The following GRID2 variants were observed in gnomAD, a reference collection of about 807,000 sequenced individuals.
GRID2 encodes glutamate ionotropic receptor delta type subunit 2, also known as glutamate receptor ionotropic, delta-2.
In GRID2, 33 loss-of-function variants were observed where a neutral mutation model predicts 114.8. The ratio of observed to expected loss-of-function variants is 0.29; its 90% CI spans 0.22 to 0.38. The LOEUF (loss-of-function observed/expected upper bound fraction) is 0.38, where lower values mean the gene tolerates loss of function less well. GRID2 is among the 10% of genes least tolerant of loss of function. The pLI is 1.00. For missense variants in GRID2, 1,184 were observed against 1,257.7 expected (o/e 0.94, Z 0.89); for synonymous variants, 505 against 449.9 (o/e 1.12, Z -1.55).
chr4:93,512,641 T>G (rs1422189624), intron 12 of GRID2, among the ~76,000 whole-genome samples: 3 of 152,172 alleles, frequency 2.0e-5, no homozygotes, highest in African/African-American at 7.2e-5. Flanking sequence ...GAACATGCCT[T>G]TGTTCTAAAT....
intron 14 of GRID2, among the ~76,000 whole-genome samples, chr4:93,662,887 G>A (rs1340410208): frequency 3.3e-5 from 5 of 152,068 alleles, no homozygotes; most frequent in Admixed American, 6.6e-5. Context: ...CACAAAACAC[G>A]AAATGTTTCA....
chr4:93,636,460 CAT>C (rs1560848540), intron 14 of GRID2, among the ~76,000 whole-genome samples: 1 of 152,054 alleles, frequency 6.6e-6, no homozygotes, highest in Non-Finnish European at 1.5e-5. Flanking sequence ...CGCACACACA[CAT>C]ACTCTCCAGA....
At chr4:92,663,709 A>G (rs1732632828) in intron 2 of GRID2, among the ~76,000 whole-genome samples, 1 of 151,124 alleles carries the variant, frequency 6.6e-6, no homozygotes, top group Non-Finnish European at 1.5e-5. Context: ...AAACACATTA[A>G]TGTTGTGCAT....
intron 13 of GRID2, among the ~76,000 whole-genome samples, chr4:93,522,771 A>G (rs1730464797): frequency 6.6e-6 from 1 of 152,170 alleles, no homozygotes; most frequent in Non-Finnish European, 1.5e-5. Flanking sequence ...ACACGTTTGA[A>G]GTTGAAATGA....
intron 11 of GRID2, among the ~76,000 whole-genome samples, chr4:93,488,954 A>C (rs1019521348): frequency 2.6e-5 from 4 of 151,994 alleles, no homozygotes; most frequent in Admixed American, 2.0e-4. Flanking sequence ...TAACAATCAC[A>C]TTGTGGGTTA....
intron 1 of GRID2, among the ~76,000 whole-genome samples, chr4:92,512,418 G>T (rs2044803): frequency 0.21 from 32,537 of 151,586 alleles, 4,209 homozygotes; most frequent in Non-Finnish European, 0.29. Flanking sequence ...TAAGACAAAA[G>T]AAATTCTAAA....
chr4:93,031,504 G>A (rs754864463), intron 2 of GRID2, among the ~76,000 whole-genome samples: 1 of 152,106 alleles, frequency 6.6e-6, no homozygotes, highest in Non-Finnish European at 1.5e-5. Context: ...CAAATCTCAC[G>A]TTGAATTGTA....
Position 93,437,337 on chromosome 4 carries a change from A to G in GRID2, c.1545+14369A>G, listed in dbSNP as rs191474181. ...GAGAATTAATTATTCAAATTCAGGAAGTTTGGCTCCAGCATCCAAGTGCTT... is the reference window on the plus strand; with the variant it reads ...GAGAATTAATTATTCAAATTCAGGAGGTTTGGCTCCAGCATCCAAGTGCTT... On this transcript the variant is annotated intron_variant, in intron 10 of 15. Transcript: ENST00000282020. Among the ~76,000 whole-genome samples the G allele has an allele frequency of 3.9e-5, 6 of 152,254 alleles. No homozygotes were observed. The East Asian group carries it at 1.2e-3, about 30-fold the overall frequency.
At chr4:93,331,470 T>C (rs28545592) in intron 8 of GRID2, among the ~76,000 whole-genome samples, 73,299 of 151,622 alleles carry the variant, frequency 0.48, 18,743 homozygotes, top group East Asian at 0.7. Context: ...TTCTTTCTTT[T>C]TGTAACATTG....
intron 2 of GRID2, among the ~76,000 whole-genome samples, chr4:93,042,283 C>T (rs1355084536): frequency 9.2e-4 from 74 of 80,240 alleles, no homozygotes; most frequent in African/African-American, 3.4e-3. Flanking sequence ...CTTTCTCTCT[C>T]TCTCTCTCTC....
At chr4:92,540,231 C>T (rs554706870) in intron 1 of GRID2, among the ~76,000 whole-genome samples, 1 of 152,222 alleles carries the variant, frequency 6.6e-6, no homozygotes, top group South Asian at 2.1e-4. Flanking sequence ...AGGACATAGG[C>T]ATAGGCAAGG....
At chr4:92,465,466 T>G (rs559150118) in intron 1 of GRID2, among the ~76,000 whole-genome samples, 13 of 152,238 alleles carry the variant, frequency 8.5e-5, no homozygotes. Flanking sequence ...ATTGATATTA[T>G]GGAACTCATT....
At chr4:92,716,958 CAT>C (rs761859764) in intron 2 of GRID2, among the ~76,000 whole-genome samples, 1 of 152,134 alleles carries the variant, frequency 6.6e-6, no homozygotes, top group Non-Finnish European at 1.5e-5. Context: ...TGACAAGAAT[CAT>C]AAATATTCTA....
intron 2 of GRID2, among the ~76,000 whole-genome samples, chr4:92,922,476 C>T (rs1488169995): frequency 6.6e-6 from 1 of 152,120 alleles, no homozygotes. Context: ...TCCTATTCAG[C>T]CATCTCTCCA....
At chr4:92,324,281 C>T (rs570734283) in intron 1 of GRID2, among the ~76,000 whole-genome samples, 1 of 152,054 alleles carries the variant, frequency 6.6e-6, no homozygotes, top group South Asian at 2.1e-4. Context: ...TTGCACTCTC[C>T]ACTCTTCTTT....
chr4:92,602,087 A>T (rs2149220206), intron 2 of GRID2, among the ~76,000 whole-genome samples: 1 of 152,190 alleles, frequency 6.6e-6, no homozygotes, highest in African/African-American at 2.4e-5. Flanking sequence ...AGAGGTACAA[A>T]GAGGAGCTGA....
At chr4:92,402,808 GA>G (rs1730852571) in intron 1 of GRID2, among the ~76,000 whole-genome samples, 1 of 152,148 alleles carries the variant, frequency 6.6e-6, no homozygotes, top group Admixed American at 6.6e-5. Context: ...TCTCTAACAA[GA>G]GAGTCAGCAT....
chr4:93,145,743 G>A (rs1016832660), intron 4 of GRID2, among the ~76,000 whole-genome samples: 13 of 128,382 alleles, frequency 1.0e-4, no homozygotes, highest in African/African-American at 3.3e-4. Context: ...TGAACTGGCC[G>A]CCTGGACCTC....
intron 4 of GRID2, among the ~76,000 whole-genome samples, chr4:93,171,299 A>G (rs1333975852): frequency 6.6e-6 from 1 of 152,036 alleles, no homozygotes; most frequent in African/African-American, 2.4e-5. Context: ...CCTGACTTAA[A>G]TGTTCTTCCC....
Sources: allele counts gnomAD v4.1 joint callset (sites outside exome capture counted in the v4.1 genomes callset), GRCh38; gene constraint gnomAD v4.1.1; transcripts MANE v1.5; gene names NCBI Gene and HGNC (gene_info 2026-07-23, HGNC 2026-07-21).